The following RCL1 variants were observed in gnomAD, a reference collection of about 807,000 sequenced individuals.
The protein encoded by RCL1 is RNA terminal phosphate cyclase like 1.
Under a neutral mutation model 42.4 loss-of-function variants are expected in RCL1, and 24 were observed. That is an observed-to-expected ratio of 0.57 (90% CI 0.41 to 0.80). RCL1 has a LOEUF of 0.80. RCL1 is among the 30% of genes least tolerant of loss of function. The pLI is 0.00. For synonymous variants in RCL1, 228 were observed against 177.3 expected (o/e 1.29, Z -2.27); for missense variants, 578 against 467.9 (o/e 1.24, Z -2.17).
intron 7 of RCL1, 123 bp from the exon 8 acceptor site, chr9:4,849,324 T>C: frequency 4.3e-6 from 3 of 695,508 alleles, no homozygotes; most frequent in Non-Finnish European, 7.5e-6. Flanking sequence ...TGTATTCTGT[T>C]TTATTGTTGC....
chr9:4,799,629 C>T (rs1842966556), intron 1 of RCL1, among the ~76,000 whole-genome samples: 1 of 152,158 alleles, frequency 6.6e-6, no homozygotes, highest in African/African-American at 2.4e-5. Flanking sequence ...TTGAAGACTG[C>T]TCCATAAATG....
intron 2 of RCL1, among the ~76,000 whole-genome samples, chr9:4,826,335 C>T (rs2080624302): frequency 1.3e-5 from 2 of 152,174 alleles, no homozygotes; most frequent in African/African-American, 4.8e-5. Flanking sequence ...TAATATTAGG[C>T]ATGTCCCTGT....
At chr9:4,816,396 G>A (rs2130989309) in intron 1 of RCL1, among the ~76,000 whole-genome samples, 1 of 152,190 alleles carries the variant, frequency 6.6e-6, no homozygotes, top group South Asian at 2.1e-4. Flanking sequence ...GAACTTTAAA[G>A]TCTTCTGTTT....
chr9:4,856,027 G>A (rs1327239553), intron 8 of RCL1, among the ~76,000 whole-genome samples: 1 of 152,172 alleles, frequency 6.6e-6, no homozygotes, highest in Non-Finnish European at 1.5e-5. Context: ...GACATCCTGG[G>A]AGCAGAGCAT....
intron 1 of RCL1, among the ~76,000 whole-genome samples, chr9:4,795,370 G>A (rs12006257): frequency 0.021 from 3,201 of 152,184 alleles, 104 homozygotes; most frequent in African/African-American, 0.072. Flanking sequence ...GGTGTGAGCC[G>A]CTGCGCCCAG....
rs34756562 is a variant in RCL1, at chr9:4,857,458, G to GA, written c.972-2656dup. Among the ~76,000 whole-genome samples, 265 of 149,644 alleles carry GA rather than the reference G, an allele frequency of 1.8e-3. 1 individual carries two copies. The highest frequency in any genetic ancestry group is 3.2e-3 in the South Asian group (15 of 4,740). On this transcript the variant is annotated intron_variant, in intron 8 of 8. Coordinates refer to ENST00000381750, the MANE Select transcript of RCL1 (RefSeq NM_005772.5). ...AGTGCTTTGTTCCTTTTTTATGGCA[G>GA]AAAAAAAAAAATCTTCCATTGAATG...
intron 5 of RCL1, among the ~76,000 whole-genome samples, chr9:4,836,043 C>G (rs1032925523): frequency 6.6e-6 from 1 of 151,778 alleles, no homozygotes; most frequent in Non-Finnish European, 1.5e-5. Flanking sequence ...AGGGGATGGG[C>G]GGGGTAGGAT....
At chr9:4,846,014 C>A (rs1179404264) in intron 7 of RCL1, among the ~76,000 whole-genome samples, 1 of 152,176 alleles carries the variant, frequency 6.6e-6, no homozygotes, top group Non-Finnish European at 1.5e-5. Flanking sequence ...TCTTTTAATT[C>A]TTCCTTTTGC....
chr9:4,804,785 G>A (rs920109039), intron 1 of RCL1: 5 of 179,328 alleles, frequency 2.8e-5, no homozygotes, highest in Non-Finnish European at 6.0e-5. Context: ...GCAGCGAATT[G>A]GAAGGGATGA....
rs550329543 is a variant in RCL1, at chr9:4,828,554, T to TC, written c.384+1521_384+1522insC. ...AGAATATTTAATTAAGTGTTTTTTTTTTTTTGCATTTTCTAGAAGACTATA... is the reference window on the plus strand; with the variant it reads ...AGAATATTTAATTAAGTGTTTTTTTTCTTTTTGCATTTTCTAGAAGACTATA... On this transcript the variant is annotated intron_variant, in intron 3 of 8. Coordinates refer to ENST00000381750, the MANE Select transcript of RCL1 (RefSeq NM_005772.5). Among the ~76,000 whole-genome samples, 333 of 151,890 alleles carry TC rather than the reference T, an allele frequency of 2.2e-3. 5 individuals are homozygous for TC. Among genetic ancestry groups the TC allele is most frequent in the African/African-American group, 7.6e-3 (314 of 41,438 alleles).
chr9:4,823,570 G>C lies in RCL1; in HGVS notation c.159G>C (p.Arg53Ser), dbSNP rs1265507026. Residue 53 changes from arginine (R) to serine (S), a missense_variant, in exon 2 of 9, where the codon AGG (arginine) becomes AGC (serine). Arg to Ser is a moderately radical substitution (Grantham distance 110). Coordinates refer to ENST00000381750, the MANE Select transcript of RCL1 (RefSeq NM_005772.5). ...GLRDFEASFI[R>S]LLDKITNGSR... ...CAGATTTTGAAGCCAGCTTCATAAG[G>C]CTATTGGACAAAATAACGAATGGTT... is the stretch of plus-strand genomic sequence containing the variant. The C allele has an allele frequency of 6.2e-7, 1 of 1,610,948 alleles. No individual in the cohort carries two copies. Among genetic ancestry groups the C allele is most frequent in the Non-Finnish European group, 8.5e-7 (1 of 1,178,866 alleles).
At chr9:4,821,518 C>T (rs1449273707) in intron 1 of RCL1, among the ~76,000 whole-genome samples, 1 of 152,218 alleles carries the variant, frequency 6.6e-6, no homozygotes, top group Non-Finnish European at 1.5e-5. Flanking sequence ...TATCACAGTT[C>T]TGGAAGCCAA....
At position 4,795,735 on chromosome 9, in the gene RCL1, G is replaced by C. The variant is rs574805597; in HGVS notation, c.136+2508G>C. 2.6e-5 allele frequency among the ~76,000 whole-genome samples: 4 copies of C among 152,184 alleles called. No individual in the cohort carries two copies. In the South Asian group the frequency reaches 8.3e-4, roughly 31 times the overall value. On this transcript the variant is annotated intron_variant, in intron 1 of 8. Coordinates refer to ENST00000381750, the MANE Select transcript of RCL1 (RefSeq NM_005772.5). Reference sequence around the variant, plus strand: ...TTGCTTAAAACATCCCTCATGGTGTGGGCTTTGGAGGGTAGGGATAGTATG... The same window carrying C: ...TTGCTTAAAACATCCCTCATGGTGTCGGCTTTGGAGGGTAGGGATAGTATG...
intron 1 of RCL1, among the ~76,000 whole-genome samples, chr9:4,822,410 G>C (rs1816624354): frequency 6.6e-6 from 1 of 152,108 alleles, no homozygotes; most frequent in African/African-American, 2.4e-5. Context: ...ATTAGCTCAG[G>C]GGAAGGAAGA....
chr9:4,819,933 T>G (rs1359631776), intron 1 of RCL1, among the ~76,000 whole-genome samples: 1 of 152,206 alleles, frequency 6.6e-6, no homozygotes, highest in Admixed American at 6.5e-5. Context: ...ATAAAAGTAG[T>G]GCATAAGAGA....
intron 1 of RCL1, among the ~76,000 whole-genome samples, chr9:4,820,493 G>A (rs1485397916): frequency 6.6e-6 from 1 of 152,198 alleles, no homozygotes; most frequent in Non-Finnish European, 1.5e-5. Flanking sequence ...TTCTACTTTT[G>A]TTCTGCTGGG....
At chr9:4,847,458 G>A (rs948498588) in intron 7 of RCL1, among the ~76,000 whole-genome samples, 16 of 151,932 alleles carry the variant, frequency 1.1e-4, no homozygotes, top group African/African-American at 3.6e-4. Context: ...ATGCCTCATC[G>A]GTTACCAAGC....
intron 1 of RCL1, among the ~76,000 whole-genome samples, chr9:4,820,703 T>A (rs1816565774): frequency 6.6e-6 from 1 of 152,216 alleles, no homozygotes; most frequent in African/African-American, 2.4e-5. Context: ...AGGGCTTTCC[T>A]TTTTTCTGCA....
chr9:4,854,635 G>A (rs1176234351), intron 8 of RCL1, among the ~76,000 whole-genome samples: 1 of 152,144 alleles, frequency 6.6e-6, no homozygotes, highest in African/African-American at 2.4e-5. Flanking sequence ...GGGAGGGGCT[G>A]TGTTTAAGGG....
Sources: allele counts gnomAD v4.1 joint callset (sites outside exome capture counted in the v4.1 genomes callset), GRCh38; gene constraint gnomAD v4.1.1; transcripts MANE v1.5; gene names NCBI Gene and HGNC (gene_info 2026-07-23, HGNC 2026-07-21).